Variants in STIM1 observed in about 807,000 individuals in gnomAD.
STIM1 encodes the protein stromal interaction molecule 1.
A neutral mutation model predicts 74.7 loss-of-function variants in STIM1; 25 were observed. The ratio of observed to expected loss-of-function variants is 0.33; its 90% CI spans 0.24 to 0.47. STIM1 has a LOEUF of 0.47. Among genes scored for constraint, STIM1 ranks in the 20% least tolerant of loss-of-function variants. The pLI, the probability that STIM1 is intolerant of heterozygous loss-of-function variation, is 1.00. For synonymous variants in STIM1, 328 were observed against 348.8 expected (o/e 0.94, Z 0.66); for missense variants, 728 against 920.8 (o/e 0.79, Z 2.71).
intron 3 of STIM1, among the ~76,000 whole-genome samples, chr11:4,044,053 G>A (rs2094171145): frequency 6.6e-6 from 1 of 152,080 alleles, no homozygotes; most frequent in African/African-American, 2.4e-5. Flanking sequence ...GTCACCCTGT[G>A]TGTCTCTCTT....
chr11:4,074,970 C>G (rs867303901), intron 7 of STIM1, among the ~76,000 whole-genome samples: 2 of 152,072 alleles, frequency 1.3e-5, no homozygotes, highest in Non-Finnish European at 2.9e-5. Context: ...GAAAGCCCAT[C>G]TCTATTAAAA....
At chr11:3,888,564 G>C (rs867228420) in intron 1 of STIM1, among the ~76,000 whole-genome samples, 2 of 151,956 alleles carry the variant, frequency 1.3e-5, no homozygotes, top group Non-Finnish European at 2.9e-5. Flanking sequence ...TTGAGACAGA[G>C]TCTCCCTCTG....
chr11:3,976,157 T>A (rs1176377907), intron 2 of STIM1, among the ~76,000 whole-genome samples: 1 of 152,196 alleles, frequency 6.6e-6, no homozygotes, highest in Non-Finnish European at 1.5e-5. Flanking sequence ...ATTTTTTGGA[T>A]GAACACCTGT....
In STIM1 at chr11:4,073,286, G is replaced by A. The variant is rs2094416933; in HGVS notation, c.792-1216G>A. Among the ~76,000 whole-genome samples, 5 of 152,048 alleles carry A rather than the reference G, an allele frequency of 3.3e-5. No individual in the cohort carries two copies. The South Asian group carries it at 8.3e-4, about 25-fold the overall frequency. The stretch of plus-strand genomic sequence containing the variant: ...AAAGGAAGACCAGACAGTAAAGTCC[G>A]TTTTCTCTTCCAAAGGGATTAGCAA... On this transcript the variant is annotated intron_variant, in intron 6 of 12. Coordinates refer to ENST00000526596, the MANE Select transcript of STIM1 (RefSeq NM_001382567.1).
At chr11:3,869,096 G>A (rs2090977612) in intron 1 of STIM1, among the ~76,000 whole-genome samples, 1 of 152,070 alleles carries the variant, frequency 6.6e-6, no homozygotes, top group African/African-American at 2.4e-5. Context: ...AGCCTCCCGA[G>A]TAGCGGGGAC....
intron 1 of STIM1, chr11:3,892,874 G>A (rs996795971): frequency 6.3e-7 from 1 of 1,585,558 alleles, no homozygotes; most frequent in Non-Finnish European, 8.7e-7. Context: ...GAAGAACACG[G>A]TGGGGTTAAC....
intron 1 of STIM1, among the ~76,000 whole-genome samples, chr11:3,883,071 T>G (rs2091576705): frequency 6.6e-6 from 1 of 152,214 alleles, no homozygotes; most frequent in African/African-American, 2.4e-5. Context: ...TAGACATTTA[T>G]CTTTTTTAAA....
intron 10 of STIM1, among the ~76,000 whole-genome samples, chr11:4,083,946 G>T (rs1341508131): frequency 6.6e-6 from 1 of 152,190 alleles, no homozygotes; most frequent in Non-Finnish European, 1.5e-5. Flanking sequence ...GCCCTATAAA[G>T]AAATAGTCCC....
intron 7 of STIM1, among the ~76,000 whole-genome samples, chr11:4,077,971 G>A (rs1303710072): frequency 6.6e-6 from 1 of 151,980 alleles, no homozygotes; most frequent in Non-Finnish European, 1.5e-5. Context: ...TTATTTTGAA[G>A]TCCTTGTCTT....
chr11:4,005,219 C>T (rs1342802348), intron 2 of STIM1, among the ~76,000 whole-genome samples: 2 of 152,134 alleles, frequency 1.3e-5, no homozygotes, highest in African/African-American at 4.8e-5. Context: ...TTGACCCAGC[C>T]ATCCCATTAC....
At chr11:3,996,057 A>G (rs1163741864) in intron 2 of STIM1, among the ~76,000 whole-genome samples, 2 of 151,248 alleles carry the variant, frequency 1.3e-5, no homozygotes, top group African/African-American at 4.9e-5. Flanking sequence ...CACAACTTCT[A>G]CTCTTTTGAG....
chr11:3,947,696 A>G (rs777723082), intron 1 of STIM1: 1 of 152,208 alleles, frequency 6.6e-6, no homozygotes, highest in Non-Finnish European at 1.5e-5. Context: ...CGAATTGCCC[A>G]GTAAATCAGC....
At chr11:3,996,473 G>A (rs2093664409) in intron 2 of STIM1, among the ~76,000 whole-genome samples, 1 of 152,212 alleles carries the variant, frequency 6.6e-6, no homozygotes, top group African/African-American at 2.4e-5. Context: ...CTTAGCCTCA[G>A]TAACAGGTAG....
chr11:3,919,367 A>C (rs1321354945), intron 1 of STIM1, among the ~76,000 whole-genome samples: 13 of 152,132 alleles, frequency 8.5e-5, no homozygotes, highest in Non-Finnish European at 2.9e-5. Flanking sequence ...CACCATGTCC[A>C]GCTAATTTTG....
chr11:3,892,783 GT>G, intron 1 of STIM1: 2 of 1,613,264 alleles, frequency 1.2e-6, no homozygotes, highest in Non-Finnish European at 1.7e-6. Flanking sequence ...GAGCACGAAA[GT>G]TTTCTGCTGT....
At chr11:3,858,385 C>T (rs2090469596) in intron 1 of STIM1, among the ~76,000 whole-genome samples, 1 of 152,120 alleles carries the variant, frequency 6.6e-6, no homozygotes, top group East Asian at 1.9e-4. Flanking sequence ...CTTAGGCCTA[C>T]TCATGCTCAG....
intron 3 of STIM1, among the ~76,000 whole-genome samples, chr11:4,030,573 T>C (rs1053436097): frequency 6.6e-5 from 10 of 152,244 alleles, no homozygotes; most frequent in Non-Finnish European, 8.8e-5. Context: ...GTCATTTAGT[T>C]AAAAACCTCA....
chr11:3,997,729 T>A (rs903129760), intron 2 of STIM1, among the ~76,000 whole-genome samples: 7 of 152,210 alleles, frequency 4.6e-5, no homozygotes, highest in Admixed American at 2.0e-4. Flanking sequence ...AATTGGGAAT[T>A]CATTATCATT....
chr11:4,018,345 G>A (rs1463821513), intron 2 of STIM1, among the ~76,000 whole-genome samples: 1 of 149,392 alleles, frequency 6.7e-6, no homozygotes, highest in Non-Finnish European at 1.5e-5. Context: ...CCAGCTACTC[G>A]GGAGGCTGAG....
Sources: gnomAD v4.1 joint callset for allele counts (sites outside exome capture counted in the v4.1 genomes callset) on GRCh38, gnomAD v4.1.1 for gene constraint, MANE v1.5 for transcripts, NCBI Gene and HGNC (gene_info 2026-07-23, HGNC 2026-07-21) for gene names.